Variants in TAS2R1 observed in about 807,000 individuals in gnomAD.
TAS2R1 encodes the protein taste 2 receptor member 1.
For missense variants in TAS2R1, 370 were observed against 353.4 expected (o/e 1.05, Z -0.38); for synonymous variants, 141 against 134.2 (o/e 1.05, Z -0.35).
chr5:9,825,044 T>C, the TAS2R1 span, among the ~76,000 whole-genome samples: 2 of 152,170 alleles, frequency 1.3e-5, no homozygotes, highest in African/African-American at 2.4e-5. Flanking sequence ...CCACCAAAGA[T>C]GCAGGCTTTC....
intron 2 of TAS2R1, among the ~76,000 whole-genome samples, chr5:9,643,510 T>G (rs1305571567): frequency 6.6e-6 from 1 of 151,946 alleles, no homozygotes; most frequent in African/African-American, 2.4e-5. Context: ...GAGTGAGAGG[T>G]GAGTGAATGT....
intron 1 of TAS2R1, among the ~76,000 whole-genome samples, chr5:9,682,865 C>T (rs560952935): frequency 6.6e-5 from 10 of 152,246 alleles, no homozygotes; most frequent in Admixed American, 6.5e-4. Context: ...TTTACCGCTG[C>T]CAGTGGCCTC....
the TAS2R1 span, among the ~76,000 whole-genome samples, chr5:9,827,592 T>G: frequency 1.0e-5 from 1 of 98,360 alleles, no homozygotes; most frequent in South Asian, 3.8e-4. Context: ...CCGGGTGTGG[T>G]GGCATGCACA....
chr5:9,815,768 T>C, the TAS2R1 span, among the ~76,000 whole-genome samples: 1 of 151,986 alleles, frequency 6.6e-6, no homozygotes, highest in African/African-American at 2.4e-5. Flanking sequence ...TGCCACAAAA[T>C]GAGCATGCTT....
At chr5:9,885,686 T>G in the TAS2R1 span, among the ~76,000 whole-genome samples, 2 of 152,184 alleles carry the variant, frequency 1.3e-5, no homozygotes, top group African/African-American at 2.4e-5. Flanking sequence ...TTTAAAAGAA[T>G]GAGTTAATCA....
At chr5:9,762,919 A>C in the TAS2R1 span, among the ~76,000 whole-genome samples, 1 of 152,168 alleles carries the variant, frequency 6.6e-6, no homozygotes, top group Non-Finnish European at 1.5e-5. Flanking sequence ...GAAAGGAAAA[A>C]CCATGTCTCA....
At chr5:9,807,035 A>G in the TAS2R1 span, among the ~76,000 whole-genome samples, 31 of 152,208 alleles carry the variant, frequency 2.0e-4, no homozygotes, top group Non-Finnish European at 4.4e-4. Context: ...TCTACAGAGA[A>G]CTCAAAAAAT....
At chr5:9,697,050 G>A (rs1481786351) in intron 1 of TAS2R1, among the ~76,000 whole-genome samples, 2 of 151,726 alleles carry the variant, frequency 1.3e-5, no homozygotes, top group Non-Finnish European at 2.9e-5. Flanking sequence ...ATTCACAAAA[G>A]GCACTGCACA....
At chr5:9,731,524 G>A in the TAS2R1 span, among the ~76,000 whole-genome samples, 17 of 152,066 alleles carry the variant, frequency 1.1e-4, no homozygotes, top group African/African-American at 4.1e-4. Context: ...GTGGCCATCC[G>A]CCCATGCCTC....
chr5:9,724,754 G>C, the TAS2R1 span, among the ~76,000 whole-genome samples: 1 of 152,206 alleles, frequency 6.6e-6, no homozygotes, highest in African/African-American at 2.4e-5. Flanking sequence ...TGTGGCTTCA[G>C]GGCATATTCA....
At chr5:9,641,314 A>G (rs1740080715) in intron 2 of TAS2R1, 1 of 152,222 alleles carries the variant, frequency 6.6e-6, no homozygotes, top group Non-Finnish European at 1.5e-5. Context: ...ACAATTCTTC[A>G]TAGAGAACTT....
the TAS2R1 span, among the ~76,000 whole-genome samples, chr5:9,900,618 G>GTTT: frequency 0.19 from 22,213 of 119,518 alleles, 2,177 homozygotes; most frequent in East Asian, 0.26. Flanking sequence ...TGCTCAAATG[G>GTTT]TTTTTTTTTT....
At chr5:9,802,886 C>T in the TAS2R1 span, among the ~76,000 whole-genome samples, 1 of 151,978 alleles carries the variant, frequency 6.6e-6, no homozygotes, top group Non-Finnish European at 1.5e-5. Flanking sequence ...CTGGGCAACA[C>T]AGCGAGACTC....
chr5:9,782,485 C>T, the TAS2R1 span, among the ~76,000 whole-genome samples: 1 of 152,148 alleles, frequency 6.6e-6, no homozygotes, highest in Non-Finnish European at 1.5e-5. Context: ...GGGGGTCCCA[C>T]CCACATATTA....
intron 1 of TAS2R1, among the ~76,000 whole-genome samples, chr5:9,682,399 A>G (rs1741010626): frequency 6.6e-6 from 1 of 152,154 alleles, no homozygotes; most frequent in South Asian, 2.1e-4. Context: ...TAAGGCATGG[A>G]GGAGCAGCCC....
chr5:9,860,029 A>G, the TAS2R1 span, among the ~76,000 whole-genome samples: 1 of 152,348 alleles, frequency 6.6e-6, no homozygotes, highest in South Asian at 2.1e-4. Flanking sequence ...AAACTTTCAG[A>G]GACATAAGCT....
chr5:9,635,837 G>A (rs543032835), intron 2 of TAS2R1, among the ~76,000 whole-genome samples: 3 of 151,780 alleles, frequency 2.0e-5, no homozygotes, highest in Non-Finnish European at 4.4e-5. Context: ...TTTTTTCTTG[G>A]TTAATCTCAC....
the TAS2R1 span, among the ~76,000 whole-genome samples, chr5:9,898,162 CT>C: frequency 6.6e-6 from 1 of 152,272 alleles, no homozygotes; most frequent in Non-Finnish European, 1.5e-5. Context: ...TAATCTAACA[CT>C]GTTTAAGCTC....
chr5:9,837,588 C>T, the TAS2R1 span, among the ~76,000 whole-genome samples: 6 of 150,874 alleles, frequency 4.0e-5, no homozygotes, highest in South Asian at 4.1e-4. Flanking sequence ...CCTGCACCTT[C>T]CTGTGGGCCT....
Sources: allele counts gnomAD v4.1 joint callset (sites outside exome capture counted in the v4.1 genomes callset), GRCh38; gene constraint gnomAD v4.1.1; transcripts MANE v1.5; gene names NCBI Gene and HGNC (gene_info 2026-07-23, HGNC 2026-07-21).